PIAS1: variants seen among roughly 807,000 people sequenced by gnomAD.
The protein encoded by PIAS1 is E3 SUMO-protein ligase PIAS1.
A neutral mutation model predicts 71.3 loss-of-function variants in PIAS1; 6 were observed. The ratio of observed to expected loss-of-function variants is 0.08; its 90% CI spans 0.05 to 0.17. The LOEUF (loss-of-function observed/expected upper bound fraction) is 0.17, where lower values mean the gene tolerates loss of function less well. Ranked by LOEUF, PIAS1 falls within the 10% of genes least tolerant of loss-of-function variation. PIAS1 has a pLI of 1.00. For synonymous variants in PIAS1, 303 were observed against 292.9 expected, an observed-to-expected ratio of 1.03 and a Z score of -0.35; for missense variants, 555 against 793.6, an observed-to-expected ratio of 0.70 and a Z score of 3.61.
chr15:68,056,366 A>G (rs1164687413), intron 1 of PIAS1, among the ~76,000 whole-genome samples: 1 of 152,206 alleles, frequency 6.6e-6, no homozygotes, highest in African/African-American at 2.4e-5. Context: ...GATAGATCAG[A>G]TCCCTGGTGT....
At chr15:68,172,537 G>A (rs1200924040) in intron 8 of PIAS1, among the ~76,000 whole-genome samples, 1 of 152,216 alleles carries the variant, frequency 6.6e-6, no homozygotes, top group Non-Finnish European at 1.5e-5. Context: ...CCCACCAACA[G>A]TGTAAAAGCA....
At chr15:68,144,949 T>C (rs2092798017) in intron 4 of PIAS1, among the ~76,000 whole-genome samples, 2 of 152,160 alleles carry the variant, frequency 1.3e-5, no homozygotes, top group African/African-American at 2.4e-5. Context: ...ACATGAGGAA[T>C]ATTTCACAGA....
intron 2 of PIAS1, among the ~76,000 whole-genome samples, chr15:68,119,523 G>T (rs2092596410): frequency 1.3e-5 from 2 of 151,940 alleles, no homozygotes; most frequent in South Asian, 2.1e-4. Context: ...GAATTCTACT[G>T]TGGGACAGTA....
chr15:68,119,883 A>T (rs189257241), intron 2 of PIAS1, among the ~76,000 whole-genome samples: 6 of 152,228 alleles, frequency 3.9e-5, no homozygotes, highest in Non-Finnish European at 8.8e-5. Context: ...CCCCTTTGTC[A>T]CTATACAGTG....
At chr15:68,175,802 C>A (rs772849075) in intron 10 of PIAS1, 35 bp downstream of exon 10, 3 of 1,527,270 alleles carry the variant, frequency 2.0e-6, no homozygotes, top group Non-Finnish European at 2.7e-6. Context: ...GGCAGTCTCC[C>A]TACTGCTCTA....
rs772734842 is a variant in PIAS1, at chr15:68,141,970, G to A, written c.494G>A (p.Arg165Gln). 1.0e-5 allele frequency: 16 copies of A among 1,603,784 alleles called. No homozygotes were observed. Among genetic ancestry groups the A allele is most frequent in the East Asian group, 4.5e-5 (2 of 44,614 alleles). Residue 165 changes from arginine to glutamine, a missense_variant, in exon 3 of 14, where the codon CGA becomes CAA. Around this residue, in one of 5 missense-constraint regions of PIAS1, gnomAD observed 134 missense variants for 203.4 expected, o/e 0.66. Coordinates refer to ENST00000249636, the MANE Select transcript of PIAS1 (RefSeq NM_016166.3). ...SLASDNSQRF[R>Q]ETCFAFALTP... ...GCATCAGACAACAGTCAGCGCTTTC[G>A]AGAAACCTGTTTTGCATTTGCCTTG...
chr15:68,153,837 C>A, intron 7 of PIAS1, 142 bp downstream of exon 7: 6 of 526,618 alleles, frequency 1.1e-5, no homozygotes, highest in Middle Eastern at 5.0e-4. Flanking sequence ...ATATCTTTGT[C>A]ATGAGCTATA....
chr15:68,091,449 A>G (rs1373111969), intron 2 of PIAS1, among the ~76,000 whole-genome samples: 1 of 152,196 alleles, frequency 6.6e-6, no homozygotes, highest in Non-Finnish European at 1.5e-5. Context: ...AAACAAATCT[A>G]TTAATAGATT....
chr15:68,180,602 C>T (rs1198857086), intron 11 of PIAS1, among the ~76,000 whole-genome samples: 3 of 112,322 alleles, frequency 2.7e-5, no homozygotes, highest in Non-Finnish European at 1.9e-5. Context: ...TGGAGTATTT[C>T]TTCTTGTTTC....
intron 2 of PIAS1, among the ~76,000 whole-genome samples, chr15:68,116,927 T>G (rs62004785): frequency 0.49 from 73,898 of 151,962 alleles, 18,751 homozygotes; most frequent in Middle Eastern, 0.57. Flanking sequence ...ATTGTACATA[T>G]TTATGGCGTA....
rs891379237 is a variant in PIAS1 at position 68,054,530 on chromosome 15, G to A, written c.24+180G>A. 27 of 539,578 alleles carry A rather than the reference G, an allele frequency of 5.0e-5. No homozygotes were observed. The highest frequency in any genetic ancestry group is 1.2e-4 in the Admixed American group (3 of 25,100). The allele number at this position is 539,578 out of a possible 1,614,324, so 33.4% of individuals were successfully genotyped here. A position where few individuals can be genotyped will look rare whatever the true frequency, so the allele number is the denominator to read the frequency against. ...GGGGCCCGCCTGCGGCGGGCCGCGG[G>A]CCCCGGGTGCCTCGGGGGCGCTGAC... is the stretch of plus-strand genomic sequence containing the variant. On this transcript the variant is annotated intron_variant, in intron 1 of 13. Transcript: ENST00000249636. This position sits in a 1 kb window ranked among gnomAD's most constrained non-coding sequence, Gnocchi z 4.6.
intron 6 of PIAS1, among the ~76,000 whole-genome samples, chr15:68,147,249 C>T (rs576387421): frequency 6.6e-6 from 1 of 152,258 alleles, no homozygotes; most frequent in East Asian, 1.9e-4. Context: ...GTGTTATTTG[C>T]GTGCTCGTTA....
At chr15:68,116,162 A>T (rs972467925) in intron 2 of PIAS1, among the ~76,000 whole-genome samples, 1 of 150,904 alleles carries the variant, frequency 6.6e-6, no homozygotes, top group Non-Finnish European at 1.5e-5. Flanking sequence ...GAAAACATTT[A>T]TGTAGGGTTG....
rs1595712475 is a variant in PIAS1 at position 68,086,238 on chromosome 15, A to G, written c.25-68A>G. 1 of 1,059,862 alleles carries G rather than the reference A, an allele frequency of 9.4e-7. No homozygotes were observed. The highest frequency in any genetic ancestry group is 2.6e-5 in the East Asian group (1 of 38,402). 65.7% of individuals were successfully genotyped at this position (1,059,862 alleles called of 1,614,324 possible). A position where few individuals can be genotyped will look rare whatever the true frequency, so the allele number is the denominator to read the frequency against. On this transcript the variant is annotated intron_variant, in intron 1 of 13. Transcript: ENST00000249636. The surrounding 1 kb of genome is among the most constrained non-coding windows in gnomAD (Gnocchi z 7.2). ...AACCATAAGAAGGGGGTTATAATAA[A>G]GTGTCATTTAATAGTGTAAATTATA...
intron 2 of PIAS1, among the ~76,000 whole-genome samples, chr15:68,127,337 C>T (rs1424022433): frequency 6.6e-6 from 1 of 152,052 alleles, no homozygotes; most frequent in Non-Finnish European, 1.5e-5. Flanking sequence ...GGGCAGTTGT[C>T]TAGCTAACTA....
intron 2 of PIAS1, among the ~76,000 whole-genome samples, chr15:68,123,955 T>C (rs2092630944): frequency 6.9e-6 from 1 of 143,972 alleles, no homozygotes; most frequent in African/African-American, 2.6e-5. Flanking sequence ...AACCTAAATA[T>C]AGGTATATGT....
chr15:68,105,268 G>A (rs1235794484), intron 2 of PIAS1, among the ~76,000 whole-genome samples: 1 of 152,100 alleles, frequency 6.6e-6, no homozygotes, highest in Admixed American at 6.5e-5. Flanking sequence ...TACTTCAGAA[G>A]TTTTTCTAGA....
At position 68,135,121 on chromosome 15, in the gene PIAS1, C is replaced by A. The variant is rs1317043877; in HGVS notation, c.470-6825C>A. On this transcript the variant is annotated intron_variant, in intron 2 of 13. Transcript: ENST00000249636. ...CTGACCCCCCCACCTCCCTCCCGGA[C>A]GGGGCGGCTGGCCTGGCGGGGGCTG... 6.1e-4 allele frequency among the ~76,000 whole-genome samples: 13 copies of A among 21,450 alleles called. No homozygotes were observed. The East Asian group carries it at 7.8e-3, about 13-fold the overall frequency. 14.1% of individuals were successfully genotyped at this position (21,450 alleles called of 152,430 possible).
At chr15:68,064,007 A>G (rs1248779950) in intron 1 of PIAS1, among the ~76,000 whole-genome samples, 1 of 152,188 alleles carries the variant, frequency 6.6e-6, no homozygotes, top group Non-Finnish European at 1.5e-5. Flanking sequence ...TTAAAAATAT[A>G]TTTTGTATGA....
Sources: gnomAD v4.1 joint callset for allele counts (sites outside exome capture counted in the v4.1 genomes callset) on GRCh38, gnomAD v4.1.1 for gene constraint, gnomAD v4.1.1 regional missense constraint, Gnocchi (gnomAD v3.1) non-coding constraint, MANE v1.5 for transcripts, NCBI Gene and HGNC (gene_info 2026-07-23, HGNC 2026-07-21) for gene names.